HDX: variants seen among roughly 807,000 people sequenced by gnomAD.
HDX encodes the protein highly divergent homeobox.
A neutral mutation model predicts 45.2 loss-of-function variants in HDX; 19 were observed. The ratio of observed to expected loss-of-function variants is 0.42; its 90% confidence interval spans 0.29 to 0.62. The LOEUF is 0.62. Among genes scored for constraint, HDX ranks in the 20% least tolerant of loss-of-function variants. The pLI, the probability that HDX is intolerant of heterozygous loss-of-function variation, is 0.20. For missense variants in HDX, 532 were observed against 493.9 expected, an observed-to-expected ratio of 1.08 and a Z score of -0.73; for synonymous variants, 188 against 172.8, an observed-to-expected ratio of 1.09 and a Z score of -0.69.
chrX:84,380,719 G>T (rs1786750839), intron 5 of HDX, among the ~76,000 whole-genome samples: 1 of 110,776 alleles, frequency 9.0e-6, no homozygotes, highest in South Asian at 3.7e-4. Flanking sequence ...AGGGATAGAA[G>T]AAACATACCT....
intron 5 of HDX, among the ~76,000 whole-genome samples, chrX:84,382,946 A>G (rs1327356325): frequency 9.0e-6 from 1 of 111,527 alleles, no homozygotes; most frequent in Non-Finnish European, 1.9e-5. Flanking sequence ...GCCTGTATCA[A>G]AACATCTCAT....
chrX:84,497,216 T>C (rs999771640), intron 1 of HDX, among the ~76,000 whole-genome samples: 1 of 111,741 alleles, frequency 8.9e-6, no homozygotes, highest in African/African-American at 3.3e-5. Flanking sequence ...AAGTTCTTTA[T>C]AGCAGTGTGG....
intron 4 of HDX, among the ~76,000 whole-genome samples, chrX:84,442,367 G>A (rs1248533154): frequency 9.0e-6 from 1 of 110,603 alleles, no homozygotes; most frequent in East Asian, 2.8e-4. Context: ...ACTATTCCTG[G>A]CCACCAGACC....
chrX:84,409,638 C>T (rs1338904678), intron 5 of HDX, among the ~76,000 whole-genome samples: 3 of 98,391 alleles, frequency 3.0e-5, no homozygotes, highest in Admixed American at 1.2e-4. Context: ...AAACCAAACA[C>T]CGCATGTTCT....
intron 6 of HDX, among the ~76,000 whole-genome samples, chrX:84,350,761 T>C (rs2037330071): frequency 8.9e-6 from 1 of 112,081 alleles, no homozygotes; most frequent in African/African-American, 3.2e-5. Flanking sequence ...TAGGTCATTT[T>C]TAAAAATCCA....
At chrX:84,383,012 A>C (rs957694811) in intron 5 of HDX, among the ~76,000 whole-genome samples, 2 of 111,306 alleles carry the variant, frequency 1.8e-5, no homozygotes, top group Non-Finnish European at 3.8e-5. Flanking sequence ...TATAAAAAAA[A>C]TTCTTGAGTT....
chrX:84,371,802 A>T (rs1236124636), intron 5 of HDX, among the ~76,000 whole-genome samples: 3 of 111,330 alleles, frequency 2.7e-5, no homozygotes, highest in African/African-American at 9.8e-5. Context: ...ATGAAATTAA[A>T]TGTGGGGGCC....
chrX:84,386,724 A>T (rs148507144), intron 5 of HDX, among the ~76,000 whole-genome samples: 4,240 of 111,514 alleles, frequency 0.038, 77 homozygotes, highest in Middle Eastern at 0.13. Context: ...GATTGAAATT[A>T]TTTGGATTTT....
At position 84,468,736 on chromosome X, in the gene HDX, A is replaced by T; in HGVS notation, c.987T>A (p.Ser329Arg). 1 of 1,211,732 alleles carries T rather than the reference A, an allele frequency of 8.3e-7. No homozygotes were observed. The highest frequency in any genetic ancestry group is 1.1e-6 in the Non-Finnish European group (1 of 895,490). Reference sequence around the variant, plus strand: ...GGTTCTCAGCTCGAAGGGAACTGCCACTTTCATAAAATCTCGAATAGCTTG... The same window carrying T: ...GGTTCTCAGCTCGAAGGGAACTGCCTCTTTCATAAAATCTCGAATAGCTTG... Reference protein sequence around the residue: ...QIPSYSRFYESGSSLRAENQS... With the variant: ...QIPSYSRFYERGSSLRAENQS... The change falls in exon 4 of 11, where the codon AGT becomes AGA. Residue 329 changes from serine to arginine, a missense_variant. Around this residue, in one of 3 missense-constraint regions of HDX, gnomAD observed 376 missense variants for 343.7 expected, o/e 1.09. Coordinates refer to ENST00000373177, the MANE Select transcript of HDX (RefSeq NM_001177479.2).
intron 7 of HDX, among the ~76,000 whole-genome samples, chrX:84,339,157 A>G (rs1359115865): frequency 8.9e-6 from 1 of 111,891 alleles, no homozygotes; most frequent in Non-Finnish European, 1.9e-5. Context: ...ATATTGCATG[A>G]TCTCACTTAT....
intron 5 of HDX, among the ~76,000 whole-genome samples, chrX:84,427,854 G>A (rs2039418960): frequency 9.0e-6 from 1 of 110,699 alleles, no homozygotes; most frequent in Non-Finnish European, 1.9e-5. Context: ...ATGAATGCAT[G>A]GTTAACTCTT....
At chrX:84,338,836 AGAGT>A (rs1219812703) in intron 7 of HDX, among the ~76,000 whole-genome samples, 2 of 110,788 alleles carry the variant, frequency 1.8e-5, no homozygotes, top group Admixed American at 1.9e-4. Context: ...TGTTCTTGTA[AGAGT>A]GAGTGAGTTC....
At chrX:84,425,001 A>G (rs927214552) in intron 5 of HDX, among the ~76,000 whole-genome samples, 4 of 111,606 alleles carry the variant, frequency 3.6e-5, no homozygotes, top group Non-Finnish European at 7.5e-5. Context: ...TGCACAGCAA[A>G]GGAAACAATC....
chrX:84,371,098 A>G (rs980157618), intron 5 of HDX, among the ~76,000 whole-genome samples: 2 of 112,158 alleles, frequency 1.8e-5, no homozygotes, highest in Admixed American at 1.9e-4. Context: ...TATGTGGAGC[A>G]CATCGTAAGG....
intron 4 of HDX, among the ~76,000 whole-genome samples, chrX:84,465,667 T>C (rs1237881143): frequency 3.6e-5 from 4 of 111,088 alleles, no homozygotes; most frequent in Admixed American, 9.5e-5. Context: ...CTGGGGCCCG[T>C]TGGGGGGCGG....
At chrX:84,346,370 A>T (rs1470894760) in intron 6 of HDX, among the ~76,000 whole-genome samples, 4 of 111,736 alleles carry the variant, frequency 3.6e-5, no homozygotes, top group Non-Finnish European at 7.5e-5. Context: ...TTGTAGATAC[A>T]TATGAGATAA....
intron 6 of HDX, among the ~76,000 whole-genome samples, chrX:84,353,241 C>G (rs191348145): frequency 9.0e-6 from 1 of 111,521 alleles, no homozygotes; most frequent in African/African-American, 3.3e-5. Context: ...TCATGGATAA[C>G]TGAGTTAATC....
chrX:84,329,174 A>G (rs1602254231), intron 9 of HDX, among the ~76,000 whole-genome samples: 1 of 111,816 alleles, frequency 8.9e-6, no homozygotes, highest in Admixed American at 9.5e-5. Context: ...AGACTTAAAG[A>G]ATCTGTTTTA....
intron 5 of HDX, among the ~76,000 whole-genome samples, chrX:84,393,216 C>A (rs191738786): frequency 6.6e-4 from 73 of 111,031 alleles, no homozygotes; most frequent in African/African-American, 2.2e-3. Context: ...TTGTTGAGAG[C>A]TTTGGCATAA....
Sources: allele counts gnomAD v4.1 joint callset (sites outside exome capture counted in the v4.1 genomes callset), GRCh38; gene constraint gnomAD v4.1.1; regional missense constraint gnomAD v4.1.1; transcripts MANE v1.5; gene names NCBI Gene and HGNC (gene_info 2026-07-23, HGNC 2026-07-21).